The following RELL1 variants were observed in gnomAD, a reference collection of about 807,000 sequenced individuals.
RELL1 encodes the protein RELT like 1, also known as RELT-like protein 1.
In RELL1, 10 loss-of-function variants were observed where a neutral mutation model predicts 23.0. The ratio of observed to expected loss-of-function variants is 0.43; its 90% confidence interval spans 0.27 to 0.74. The LOEUF (loss-of-function observed/expected upper bound fraction) is 0.74, where lower values mean the gene tolerates loss of function less well. Ranked by LOEUF, RELL1 falls within the 30% of genes least tolerant of loss-of-function variation. The probability of loss-of-function intolerance (pLI) is 0.19; values close to 1 mark genes in which losing one functional copy is unlikely to be tolerated. For synonymous variants in RELL1, 146 were observed against 146.8 expected (o/e 0.99, Z 0.04); for missense variants, 315 against 364.4 (o/e 0.86, Z 1.10).
At chr4:37,606,625 AGGGAGGCAT>A (rs1414619359), downstream of RELL1, among the ~76,000 whole-genome samples, 3 of 152,244 alleles carry the variant, frequency 2.0e-5, no homozygotes, top group East Asian at 5.8e-4. The surrounding 1 kb of genome is among the most constrained non-coding windows in gnomAD (Gnocchi z 4.1). Context: ...AGAAGCTGGG[AGGGAGGCAT>A]GGGCCAGATT....
In RELL1 at chr4:37,612,322, T is replaced by TTAAAAAAAA. The variant is rs546339779; in HGVS notation, c.*1023_*1024insTTTTTTTTA. Among the ~76,000 whole-genome samples the TTAAAAAAAA allele has an allele frequency of 8.4e-5, 7 of 83,502 alleles. No individual in the cohort carries two copies. Among genetic ancestry groups the TTAAAAAAAA allele is most frequent in the South Asian group, 7.0e-4 (2 of 2,862 alleles). 54.8% of individuals were successfully genotyped at this position (83,502 alleles called of 152,430 possible). ...AACCAAGAATCGCTCAGCTAAAGGT[T>TTAAAAAAAA]AAAAAAAAAAAAAAAACAAAAAAAA... is the stretch of plus-strand genomic sequence containing the variant. On this transcript the variant is annotated 3_prime_UTR_variant, in exon 7 of 7. Transcript: ENST00000454158.
intron 6 of RELL1, among the ~76,000 whole-genome samples, chr4:37,616,383 A>G (rs150503548): frequency 1.3e-3 from 193 of 152,338 alleles, no homozygotes; most frequent in African/African-American, 4.0e-3. Flanking sequence ...CACCCCGGAC[A>G]CACCCACAGC....
rs146999124 is a variant in RELL1 at position 37,650,041 on chromosome 4, A to G, written c.89-541T>C. ...TGGTTTCTTATGAAATGGGCATACA[A>G]ATACTACCTACTCACCCTTCTAGGA... On this transcript the variant is annotated intron_variant, in intron 1 of 6. Transcript: ENST00000454158. Among the ~76,000 whole-genome samples the G allele has an allele frequency of 2.4e-4, 36 of 152,308 alleles. No homozygotes were observed. In the East Asian group the frequency reaches 5.2e-3, roughly 22 times the overall value.
chr4:37,586,574 T>C (rs1249359958), downstream of RELL1, among the ~76,000 whole-genome samples: 1 of 152,170 alleles, frequency 6.6e-6, no homozygotes. Flanking sequence ...TTACTAGTTT[T>C]CTGTGCTGCT....
chr4:37,599,009 A>G (rs904600143), intron 6 of RELL1, among the ~76,000 whole-genome samples: 13 of 152,288 alleles, frequency 8.5e-5, no homozygotes, highest in Admixed American at 7.2e-4. Flanking sequence ...TAAAGGTGAC[A>G]TAATATGCCT....
At chr4:37,606,866 A>G (rs1424775331), downstream of RELL1, among the ~76,000 whole-genome samples, 1 of 152,214 alleles carries the variant, frequency 6.6e-6, no homozygotes, top group Non-Finnish European at 1.5e-5. This position sits in a 1 kb window ranked among gnomAD's most constrained non-coding sequence, Gnocchi z 4.1. Context: ...CCCATCTAAT[A>G]TTCATTAATT....
downstream of RELL1, chr4:37,590,130 C>A: frequency 6.2e-7 from 1 of 1,614,112 alleles, no homozygotes; most frequent in South Asian, 1.1e-5. Context: ...CTGGCTATGT[C>A]AATGAAGTCA....
chr4:37,607,579 CTT>C (rs59939694), downstream of RELL1, among the ~76,000 whole-genome samples: 89,507 of 113,898 alleles, frequency 0.79, 34,450 homozygotes, highest in Admixed American at 0.84. Context: ...TCTTTCTTTT[CTT>C]TTTTTTTTTT....
chr4:37,618,965 C>T (rs1432850430), intron 6 of RELL1, among the ~76,000 whole-genome samples: 2 of 152,092 alleles, frequency 1.3e-5, no homozygotes, highest in Non-Finnish European at 2.9e-5. Context: ...CTGCAACCTC[C>T]GCCTCCCGGG....
At chr4:37,633,610 G>GT (rs1720218395) in intron 5 of RELL1, among the ~76,000 whole-genome samples, 1 of 152,074 alleles carries the variant, frequency 6.6e-6, no homozygotes, top group Non-Finnish European at 1.5e-5. Flanking sequence ...CTGTTTTGCT[G>GT]TAAGTGGCAA....
intron 1 of RELL1, among the ~76,000 whole-genome samples, chr4:37,666,845 A>C (rs926084922): frequency 7.9e-5 from 12 of 152,220 alleles, no homozygotes; most frequent in Non-Finnish European, 5.9e-5. Context: ...CAAAAGTCCT[A>C]AACGAAGGGT....
At chr4:37,627,443 G>GA (rs1387141270) in intron 6 of RELL1, among the ~76,000 whole-genome samples, 1 of 152,148 alleles carries the variant, frequency 6.6e-6, no homozygotes, top group African/African-American at 2.4e-5. Context: ...ATTTTCTGCA[G>GA]AAAAAAGACC....
At chr4:37,639,448 C>T (rs142654196) in intron 3 of RELL1, among the ~76,000 whole-genome samples, 169 of 144,952 alleles carry the variant, frequency 1.2e-3, no homozygotes, top group African/African-American at 3.3e-3. Context: ...ATGTAATATA[C>T]GCTAACTTTA....
chr4:37,612,342 A>AAAAAC lies in RELL1; in HGVS notation c.*1003_*1004insGTTTT, dbSNP rs1560328410. Among the ~76,000 whole-genome samples, 6 of 131,856 alleles carry AAAAAC rather than the reference A, an allele frequency of 4.6e-5. No homozygotes were observed. The highest frequency in any genetic ancestry group is 8.6e-5 in the African/African-American group (3 of 34,768). The allele number at this position is 131,856 out of a possible 152,430, so 86.5% of individuals were successfully genotyped here. A position where few individuals can be genotyped will look rare whatever the true frequency, so the allele number is the denominator to read the frequency against. ...AAGGTTAAAAAAAAAAAAAAAACAAAAAAAAACAAAAAACCGGGTGCAGTG... is the reference window on the plus strand; with the variant it reads ...AAGGTTAAAAAAAAAAAAAAAACAAAAAAACAAAAAACAAAAAACCGGGTGCAGTG... On this transcript the variant is annotated 3_prime_UTR_variant, in exon 7 of 7. Transcript: ENST00000454158.
intron 6 of RELL1, among the ~76,000 whole-genome samples, chr4:37,602,372 A>AT (rs1247328377): frequency 1.4e-5 from 2 of 143,908 alleles, no homozygotes; most frequent in East Asian, 2.0e-4. Flanking sequence ...GCAATAAACC[A>AT]TTTTTTCCAG....
downstream of RELL1, chr4:37,590,096 T>C (rs1718521277): frequency 6.2e-7 from 1 of 1,612,008 alleles, no homozygotes; most frequent in Non-Finnish European, 8.5e-7. Context: ...AGCTATCTCT[T>C]TGATCCAGTT....
chr4:37,635,415 C>T (rs1477873186), intron 4 of RELL1, among the ~76,000 whole-genome samples: 1 of 151,936 alleles, frequency 6.6e-6, no homozygotes, highest in African/African-American at 2.4e-5. Flanking sequence ...TGCTTGTGGC[C>T]AGGAGTTTGA....
intron 1 of RELL1, among the ~76,000 whole-genome samples, chr4:37,681,939 TA>T (rs1386292643): frequency 6.6e-6 from 1 of 152,198 alleles, no homozygotes; most frequent in Non-Finnish European, 1.5e-5. Context: ...TATGTTAGAA[TA>T]AAAAGAATTT....
At chr4:37,589,627 A>G (rs529649152), downstream of RELL1, among the ~76,000 whole-genome samples, 1 of 152,182 alleles carries the variant, frequency 6.6e-6, no homozygotes, top group South Asian at 2.1e-4. Flanking sequence ...AGAGTATTTC[A>G]GGCAGAACCT....
Sources: gnomAD v4.1 joint callset for allele counts (sites outside exome capture counted in the v4.1 genomes callset) on GRCh38, gnomAD v4.1.1 for gene constraint, Gnocchi (gnomAD v3.1) non-coding constraint, MANE v1.5 for transcripts, NCBI Gene and HGNC (gene_info 2026-07-23, HGNC 2026-07-21) for gene names.